SHROOM3: variants seen among roughly 807,000 people sequenced by gnomAD.
The protein encoded by SHROOM3 is protein Shroom3.
In SHROOM3, 47 loss-of-function variants were observed where a neutral mutation model predicts 138.6. The ratio of observed to expected loss-of-function variants is 0.34; its 90% confidence interval spans 0.27 to 0.43. The LOEUF is 0.43. Among genes scored for constraint, SHROOM3 ranks in the 20% least tolerant of loss-of-function variants. The pLI is 1.00. For missense variants in SHROOM3, 2,491 were observed against 2,596.5 expected (o/e 0.96, Z 0.88); for synonymous variants, 1,062 against 1,063.3 (o/e 1.00, Z 0.02).
At chr4:76,636,131 A>G (rs1355006885) in intron 2 of SHROOM3, among the ~76,000 whole-genome samples, 2 of 152,208 alleles carry the variant, frequency 1.3e-5, no homozygotes, top group African/African-American at 4.8e-5. Flanking sequence ...TAAATGGGTA[A>G]AATGTGTGAT....
chr4:76,666,992 T>TC, intron 2 of SHROOM3, among the ~76,000 whole-genome samples: 1 of 152,228 alleles, frequency 6.6e-6, no homozygotes, highest in Non-Finnish European at 1.5e-5. Context: ...AAATACAGTG[T>TC]AATTCCACTT....
intron 1 of SHROOM3, among the ~76,000 whole-genome samples, chr4:76,539,880 CT>C (rs890616354): frequency 1.2e-4 from 19 of 152,302 alleles, no homozygotes; most frequent in African/African-American, 4.6e-4. Flanking sequence ...TGGAGTTTCG[CT>C]CTTTCACCCA....
intron 5 of SHROOM3, among the ~76,000 whole-genome samples, chr4:76,742,869 C>G (rs564823623): frequency 2.4e-4 from 37 of 152,276 alleles, no homozygotes; most frequent in African/African-American, 8.4e-4. Context: ...TGCTGTTTTC[C>G]CTTTCAGAGA....
At chr4:76,535,749 G>A (rs1732939785) in intron 1 of SHROOM3, among the ~76,000 whole-genome samples, 1 of 152,210 alleles carries the variant, frequency 6.6e-6, no homozygotes, top group African/African-American at 2.4e-5. Context: ...AGTTTGGCTG[G>A]GAGCCATGCC....
chr4:76,717,326 T>C (rs913665452), intron 3 of SHROOM3, among the ~76,000 whole-genome samples: 5 of 152,200 alleles, frequency 3.3e-5, no homozygotes, highest in Non-Finnish European at 7.4e-5. Flanking sequence ...GTAGTTTTTC[T>C]GGTATTTATC....
chr4:76,670,350 A>G (rs895203077), intron 2 of SHROOM3, among the ~76,000 whole-genome samples: 33 of 152,334 alleles, frequency 2.2e-4, no homozygotes, highest in African/African-American at 7.9e-4. Flanking sequence ...AAAAGATTAC[A>G]TATTGTGATT....
intron 1 of SHROOM3, among the ~76,000 whole-genome samples, chr4:76,483,329 G>A (rs1365001017): frequency 1.3e-5 from 2 of 152,166 alleles, no homozygotes; most frequent in Non-Finnish European, 2.9e-5. Context: ...ATCAAAAAGT[G>A]AGCGAAGCAT....
chr4:76,465,371 C>T (rs373151948), intron 1 of SHROOM3, among the ~76,000 whole-genome samples: 74 of 152,300 alleles, frequency 4.9e-4, no homozygotes, highest in African/African-American at 1.8e-3. Flanking sequence ...TATGCCAAGG[C>T]CATGCTCACC....
chr4:76,741,551 G>C lies in SHROOM3; in HGVS notation c.3378G>C (p.Ala1126=). 1 of 1,546,590 alleles carries C rather than the reference G, an allele frequency of 6.5e-7. No homozygotes were observed. Among genetic ancestry groups the C allele is most frequent in the East Asian group, 2.4e-5 (1 of 41,512 alleles). The change falls in exon 5 of 11, where the codon GCG becomes GCC. Residue 1126 remains alanine (A), a synonymous_variant. Transcript: ENST00000296043. This position sits in a 1 kb window ranked among gnomAD's most constrained non-coding sequence, Gnocchi z 6.2. ...GTGCCTACCTCCAGCCCGGCCCCGCGGCGCTCGAAGGCTCCGGCCTCGCCT... is the reference window on the plus strand; with the variant it reads ...GTGCCTACCTCCAGCCCGGCCCCGCCGCGCTCGAAGGCTCCGGCCTCGCCT... ...AQSAYLQPGP[A]ALEGSGLASA... is the part of the protein sequence containing the mutation.
chr4:76,512,398 A>G (rs771297286), intron 1 of SHROOM3, among the ~76,000 whole-genome samples: 80 of 151,976 alleles, frequency 5.3e-4, no homozygotes, highest in Non-Finnish European at 3.7e-4. Flanking sequence ...TCCTTCTTTT[A>G]TTTCCTTCCT....
intron 9 of SHROOM3, among the ~76,000 whole-genome samples, chr4:76,763,697 G>T (rs1207989988): frequency 1.3e-5 from 2 of 152,322 alleles, no homozygotes; most frequent in East Asian, 3.9e-4. Context: ...AAATGCTGAA[G>T]TTCGGATTTT....
chr4:76,668,220 A>G (rs1223629760), intron 2 of SHROOM3, among the ~76,000 whole-genome samples: 3 of 151,882 alleles, frequency 2.0e-5, no homozygotes, highest in African/African-American at 7.3e-5. Flanking sequence ...CAACGATCAT[A>G]TTAGTTTGAA....
chr4:76,540,734 C>T (rs897445284), intron 1 of SHROOM3, among the ~76,000 whole-genome samples: 1 of 152,066 alleles, frequency 6.6e-6, no homozygotes, highest in Non-Finnish European at 1.5e-5. Context: ...TATTTTTCTT[C>T]TTGCTGGCAC....
chr4:76,536,536 C>G (rs1732957381), intron 1 of SHROOM3, among the ~76,000 whole-genome samples: 1 of 152,170 alleles, frequency 6.6e-6, no homozygotes, highest in Admixed American at 6.5e-5. Flanking sequence ...ACTTTTTAAT[C>G]AGACAGCTGA....
intron 1 of SHROOM3, among the ~76,000 whole-genome samples, chr4:76,553,146 TTTTTG>T (rs1054856916): frequency 1.3e-5 from 2 of 151,410 alleles, no homozygotes; most frequent in South Asian, 2.1e-4. Flanking sequence ...GTGCAGGACA[TTTTTG>T]TTTTGTTTTG....
At chr4:76,722,975 C>T (rs1255817373) in intron 3 of SHROOM3, among the ~76,000 whole-genome samples, 1 of 152,010 alleles carries the variant, frequency 6.6e-6, no homozygotes, top group African/African-American at 2.4e-5. Context: ...TTCTTATACA[C>T]TTGACTCGGG....
chr4:76,629,540 T>A (rs988712325), intron 2 of SHROOM3, among the ~76,000 whole-genome samples: 1 of 152,196 alleles, frequency 6.6e-6, no homozygotes, highest in Non-Finnish European at 1.5e-5. Context: ...GGTGAGCAGA[T>A]AAGGGCAAGG....
At position 76,779,054 on chromosome 4, in the gene SHROOM3, G is replaced by A. The variant is rs1722667567; in HGVS notation, c.5868G>A (p.Leu1956=). 1.2e-6 allele frequency: 2 copies of A among 1,614,212 alleles called. No individual in the cohort carries two copies. Among genetic ancestry groups the A allele is most frequent in the East Asian group, 2.2e-5 (1 of 44,882 alleles). Residue 1956 remains leucine, a synonymous_variant, in exon 11 of 11, where the codon CTG becomes CTA. Transcript: ENST00000296043. ...AGGTCAAGTGTCTGCTGGAGAGCCT[G>A]CCCTCAGATTTCATTCCCAAGGCTG... The part of the protein sequence containing the change: ...QEQVKCLLES[L]PSDFIPKAGA...
At chr4:76,464,791 G>T (rs1731218749) in intron 1 of SHROOM3, among the ~76,000 whole-genome samples, 1 of 152,086 alleles carries the variant, frequency 6.6e-6, no homozygotes, top group South Asian at 2.1e-4. Context: ...TCTCTCTCCT[G>T]CACCACCATG....
Sources: allele counts gnomAD v4.1 joint callset (sites outside exome capture counted in the v4.1 genomes callset), GRCh38; gene constraint gnomAD v4.1.1; non-coding constraint Gnocchi (gnomAD v3.1); transcripts MANE v1.5; gene names NCBI Gene and HGNC (gene_info 2026-07-23, HGNC 2026-07-21).